The following TMEM132B variants were observed in gnomAD, a reference collection of about 807,000 sequenced individuals.
The protein encoded by TMEM132B is transmembrane protein 132B.
In TMEM132B, 18 loss-of-function variants were observed where a neutral mutation model predicts 90.8. The ratio of observed to expected loss-of-function variants is 0.20; its 90% CI spans 0.14 to 0.29. The LOEUF (loss-of-function observed/expected upper bound fraction) is 0.29. Ranked by LOEUF, TMEM132B falls within the 10% of genes least tolerant of loss-of-function variation. The pLI is 1.00. For synonymous variants in TMEM132B, 504 were observed against 523.3 expected (o/e 0.96, Z 0.50); for missense variants, 1,096 against 1,326.8 (o/e 0.83, Z 2.70).
At chr12:125,643,603 G>A (rs1886684104) in intron 5 of TMEM132B, among the ~76,000 whole-genome samples, 1 of 152,140 alleles carries the variant, frequency 6.6e-6, no homozygotes, top group African/African-American at 2.4e-5. Context: ...TGCCTACCAG[G>A]ATTTTAATCT....
chr12:125,340,359 T>G (rs773615424), intron 1 of TMEM132B, among the ~76,000 whole-genome samples: 1 of 152,124 alleles, frequency 6.6e-6, no homozygotes, highest in Non-Finnish European at 1.5e-5. Flanking sequence ...CTTTATCAGA[T>G]TCTCACTTCA....
At chr12:125,542,094 T>C (rs973689439) in intron 4 of TMEM132B, among the ~76,000 whole-genome samples, 8 of 137,794 alleles carry the variant, frequency 5.8e-5, no homozygotes, top group African/African-American at 2.2e-4. Flanking sequence ...TCACCAAAGG[T>C]GGTGCAAAGC....
At chr12:125,288,158 G>A (rs1216501951) in intron 1 of TMEM132B, among the ~76,000 whole-genome samples, 2 of 151,614 alleles carry the variant, frequency 1.3e-5, no homozygotes, top group Non-Finnish European at 2.9e-5. Context: ...ACAGGTGTGA[G>A]CCACTGCACC....
rs148926229 is a variant in TMEM132B, at chr12:125,246,771, C to T, written c.67+59905C>T. 1.0e-3 allele frequency among the ~76,000 whole-genome samples: 156 copies of T among 152,300 alleles called. 1 individual carries two copies. The highest frequency in any genetic ancestry group is 3.6e-3 in the African/African-American group (148 of 41,560). ...TCTTCTCACCCTTTGTTCCTGTGGA[C>T]AGAAGTGATGGATTTTGCAGTCTGG... On this transcript the variant is annotated intron_variant, in intron 1 of 8. Transcript: ENST00000682704. The surrounding 1 kb of genome is among the most constrained non-coding windows in gnomAD (Gnocchi z 4.2).
chr12:125,451,887 A>G (rs1462260112), intron 3 of TMEM132B, among the ~76,000 whole-genome samples: 2 of 152,228 alleles, frequency 1.3e-5, no homozygotes, highest in Admixed American at 1.3e-4. Context: ...ATTCATGTTC[A>G]GGGACTGACT....
chr12:125,387,321 G>T (rs936406590), intron 2 of TMEM132B, among the ~76,000 whole-genome samples: 4 of 152,176 alleles, frequency 2.6e-5, no homozygotes, highest in African/African-American at 9.7e-5. Flanking sequence ...CTTGAACACA[G>T]TAACTCAAAT....
chr12:125,197,670 T>C (rs983953666), intron 1 of TMEM132B, among the ~76,000 whole-genome samples: 3 of 152,246 alleles, frequency 2.0e-5, no homozygotes, highest in Non-Finnish European at 4.4e-5. Flanking sequence ...GGTCTGGTCC[T>C]TTTAAAGACA....
chr12:125,482,849 T>G (rs1288615289), intron 3 of TMEM132B, among the ~76,000 whole-genome samples: 1 of 152,160 alleles, frequency 6.6e-6, no homozygotes, highest in Non-Finnish European at 1.5e-5. Context: ...CCCACCCAAA[T>G]GTCCATCAAT....
At chr12:125,369,092 A>G (rs377513832) in intron 2 of TMEM132B, among the ~76,000 whole-genome samples, 39 of 151,350 alleles carry the variant, frequency 2.6e-4, no homozygotes, top group African/African-American at 9.0e-4. Flanking sequence ...TCATTGTTCA[A>G]TTCCCACCTA....
chr12:125,301,148 G>C (rs1239611512), intron 1 of TMEM132B: 1 of 152,100 alleles, frequency 6.6e-6, no homozygotes, highest in Non-Finnish European at 1.5e-5. Context: ...GCTGACATTT[G>C]TTAGTGGATT....
chr12:125,464,073 C>A (rs1229586666), intron 3 of TMEM132B, among the ~76,000 whole-genome samples: 4 of 152,154 alleles, frequency 2.6e-5, no homozygotes, highest in African/African-American at 9.7e-5. Context: ...TCCCTTGACC[C>A]ATGGGAATTA....
chr12:125,465,764 A>C (rs59274675), intron 3 of TMEM132B, among the ~76,000 whole-genome samples: 5,582 of 152,320 alleles, frequency 0.037, 170 homozygotes, highest in Admixed American at 0.1. Flanking sequence ...GCAACCCATC[A>C]ATCGAGACAC....
In TMEM132B at chr12:125,277,915, G is replaced by A. The variant is rs112679757; in HGVS notation, c.68-71537G>A. ...TATTCACAGAGGGCCAGCATTCTCC[G>A]ATGGGAAAAGTCTGGAACTCTGCAG... On this transcript the variant is annotated intron_variant, in intron 1 of 8. Coordinates refer to ENST00000682704, the MANE Select transcript of TMEM132B (RefSeq NM_001366854.1). This position sits in a 1 kb window ranked among gnomAD's most constrained non-coding sequence, Gnocchi z 4.3. Among the ~76,000 whole-genome samples, 3 of 152,164 alleles carry A rather than the reference G, an allele frequency of 2.0e-5. No individual in the cohort carries two copies. Among genetic ancestry groups the A allele is most frequent in the Non-Finnish European group, 2.9e-5 (2 of 68,034 alleles).
chr12:125,587,022 G>A (rs1282591345), intron 5 of TMEM132B: 1 of 152,264 alleles, frequency 6.6e-6, no homozygotes, highest in Admixed American at 6.5e-5. Context: ...ATTAAGATGT[G>A]AAAAGACATT....
intron 2 of TMEM132B, among the ~76,000 whole-genome samples, chr12:125,360,719 C>T (rs574222661): frequency 6.6e-6 from 1 of 151,952 alleles, no homozygotes; most frequent in South Asian, 2.1e-4. Context: ...GGGCAGGCCT[C>T]CTGGAGGAGG....
At position 125,566,835 on chromosome 12, in the gene TMEM132B, CTTTTT is replaced by C. The variant is rs869196346; in HGVS notation, c.1294-16993_1294-16989del. 8.9e-5 allele frequency among the ~76,000 whole-genome samples: 7 copies of C among 78,744 alleles called. 1 individual carries two copies. The highest frequency in any genetic ancestry group is 3.0e-4 in the Admixed American group (2 of 6,658). 51.7% of individuals were successfully genotyped at this position (78,744 alleles called of 152,430 possible). Reference sequence around the variant, plus strand: ...CCTCCTTCTTCTTCCTCTTCTTCTTCTTTTTTTTTTTTTTTTTTTTTTTTTTTAGA... The same window carrying C: ...CCTCCTTCTTCTTCCTCTTCTTCTTCTTTTTTTTTTTTTTTTTTTTTTAGA... On this transcript the variant is annotated intron_variant, in intron 4 of 8. Coordinates refer to ENST00000682704, the MANE Select transcript of TMEM132B (RefSeq NM_001366854.1).
intron 1 of TMEM132B, among the ~76,000 whole-genome samples, chr12:125,215,692 C>T (rs2136069048): frequency 6.6e-6 from 1 of 152,314 alleles, no homozygotes; most frequent in Non-Finnish European, 1.5e-5. Flanking sequence ...CAGGCATGCG[C>T]CACCACGCCT....
At chr12:125,513,340 C>G (rs1325384386) in intron 3 of TMEM132B, among the ~76,000 whole-genome samples, 3 of 151,892 alleles carry the variant, frequency 2.0e-5, no homozygotes, top group Non-Finnish European at 2.9e-5. Flanking sequence ...GTGCGTGTGC[C>G]TGTGTGCGTG....
intron 4 of TMEM132B, among the ~76,000 whole-genome samples, chr12:125,583,309 G>T (rs1885096753): frequency 6.6e-6 from 1 of 152,176 alleles, no homozygotes; most frequent in Non-Finnish European, 1.5e-5. Flanking sequence ...GGAGATCTCT[G>T]GAGATTCTGG....
Sources: allele counts gnomAD v4.1 joint callset (sites outside exome capture counted in the v4.1 genomes callset), GRCh38; gene constraint gnomAD v4.1.1; non-coding constraint Gnocchi (gnomAD v3.1); transcripts MANE v1.5; gene names NCBI Gene and HGNC (gene_info 2026-07-23, HGNC 2026-07-21).